Variants in KIF13A observed in about 807,000 individuals in gnomAD.
The protein encoded by KIF13A is kinesin family member 13A.
A neutral mutation model predicts 212.2 loss-of-function variants in KIF13A; 79 were observed. That is an observed-to-expected ratio of 0.37 (90% CI 0.31 to 0.45). The LOEUF is 0.45. Ranked by LOEUF, KIF13A falls within the 20% of genes least tolerant of loss-of-function variation. The probability of loss-of-function intolerance (pLI) is 1.00; values close to 1 mark genes in which losing one functional copy is unlikely to be tolerated. For missense variants in KIF13A, 1,901 were observed against 2,209.0 expected (o/e 0.86, Z 2.79); for synonymous variants, 789 against 808.6 (o/e 0.98, Z 0.41).
Position 17,971,750 on chromosome 6 carries a change from G to A in KIF13A, c.146+15304C>T, listed in dbSNP as rs993669339. Among the ~76,000 whole-genome samples, 2 of 151,910 alleles carry A rather than the reference G, an allele frequency of 1.3e-5. No individual in the cohort carries two copies. The highest frequency in any genetic ancestry group is 2.4e-5 in the African/African-American group (1 of 41,330). On this transcript the variant is annotated intron_variant, in intron 2 of 38. Transcript: ENST00000259711. The surrounding 1 kb of genome is among the most constrained non-coding windows in gnomAD (Gnocchi z 4.2). Reference sequence around the variant, plus strand: ...TGCTCTTGTTTTAGTGTGATTACTCGGCATATTTAAAAGAGGCTGGGAACT... The same window carrying A: ...TGCTCTTGTTTTAGTGTGATTACTCAGCATATTTAAAAGAGGCTGGGAACT...
chr6:17,881,412 G>A (rs1407685062), intron 3 of KIF13A: 1 of 420,236 alleles, frequency 2.4e-6, no homozygotes, highest in Non-Finnish European at 4.6e-6. Flanking sequence ...AGTCATCTCT[G>A]ATGGCATTTC....
rs1192390750 is a variant in KIF13A, at chr6:17,771,226, G to C, written c.4477-8C>G. On this transcript the variant is annotated splice_polypyrimidine_tract_variant and splice_region_variant and intron_variant, in intron 37 of 38. Transcript: ENST00000259711. The surrounding 1 kb of genome is among the most constrained non-coding windows in gnomAD (Gnocchi z 5.4). ...CTGAGGTGGAGGCATGCTCTGCAAA[G>C]GTTAAGACACACAGATGCATCACAC... 1.9e-6 allele frequency: 3 copies of C among 1,595,968 alleles called. No homozygotes were observed. The highest frequency in any genetic ancestry group is 2.6e-6 in the Non-Finnish European group (3 of 1,165,696).
At chr6:17,836,276 C>A (rs1035022896) in intron 11 of KIF13A, among the ~76,000 whole-genome samples, 1 of 152,144 alleles carries the variant, frequency 6.6e-6, no homozygotes, top group African/African-American at 2.4e-5. Flanking sequence ...GGAGATAACA[C>A]CTAACTAAAT....
intron 3 of KIF13A, among the ~76,000 whole-genome samples, chr6:17,874,999 G>GCACACACACACA (rs1554188630): frequency 0.019 from 2,320 of 120,286 alleles, 68 homozygotes; most frequent in South Asian, 0.043. Flanking sequence ...ACACGCACAC[G>GCACACACACACA]CACGCACACA....
rs575520875 is a variant in KIF13A at position 17,764,307 on chromosome 6, C to T, written c.5221G>A (p.Val1741Met). Residue 1741 changes from valine to methionine, a missense_variant, in exon 39 of 39, where the codon GTG (valine) becomes ATG (methionine). Val to Met is a conservative substitution (Grantham distance 21). This residue lies in a region of KIF13A where 687 missense variants were observed against 759.1 expected (regional missense o/e 0.90). Coordinates refer to ENST00000259711, the MANE Select transcript of KIF13A (RefSeq NM_022113.6). This position sits in a 1 kb window ranked among gnomAD's most constrained non-coding sequence, Gnocchi z 5.1. ...EDHSFTEFMG[V>M]SEGKDFDGLT... ...CCATCAAAATCTTTTCCCTCTGACA[C>T]TCCCATAAATTCTGTGAAAGAATGG... 1.9e-6 allele frequency: 3 copies of T among 1,614,036 alleles called. No individual in the cohort carries two copies. The highest frequency in any genetic ancestry group is 2.5e-6 in the Non-Finnish European group (3 of 1,179,894).
In KIF13A at chr6:17,967,337, T is replaced by C. The variant is rs1779417700; in HGVS notation, c.146+19717A>G. On this transcript the variant is annotated intron_variant, in intron 2 of 38. Coordinates refer to ENST00000259711, the MANE Select transcript of KIF13A (RefSeq NM_022113.6). This position sits in a 1 kb window ranked among gnomAD's most constrained non-coding sequence, Gnocchi z 4.1. ...ACAGAAAAAGGAAAATGCATCACAA[T>C]GTTAAAAGAATGAGTAAACTGTATT... Among the ~76,000 whole-genome samples the C allele has an allele frequency of 6.6e-6, 1 of 152,214 alleles. No homozygotes were observed. The highest frequency in any genetic ancestry group is 6.5e-5 in the Admixed American group (1 of 15,286).
In KIF13A at chr6:17,984,421, A is replaced by T. The variant is rs1003510; in HGVS notation, c.146+2633T>A. Reference sequence around the variant, plus strand: ...TGTTTCAGAATGGTGATCAGTATACATATCAACTACTAACCTGGACCTATG... The same window carrying T: ...TGTTTCAGAATGGTGATCAGTATACTTATCAACTACTAACCTGGACCTATG... On this transcript the variant is annotated intron_variant, in intron 2 of 38. Transcript: ENST00000259711. The surrounding 1 kb of genome is among the most constrained non-coding windows in gnomAD (Gnocchi z 5.0). 107,874 of 558,634 alleles carry T rather than the reference A, an allele frequency of 0.19. 11,026 individuals are homozygous for T. Among genetic ancestry groups the T allele is most frequent in the African/African-American group, 0.32 (15,547 of 48,920 alleles). The allele number at this position is 558,634 out of a possible 1,614,324, so 34.6% of individuals were successfully genotyped here.
intron 2 of KIF13A, among the ~76,000 whole-genome samples, chr6:17,983,388 T>C (rs1053527702): frequency 2.6e-5 from 4 of 151,850 alleles, no homozygotes; most frequent in African/African-American, 4.8e-5. Flanking sequence ...ACTGTGTATG[T>C]CACCCTTTTT....
At chr6:17,933,143 C>A (rs1243864501) in intron 2 of KIF13A, among the ~76,000 whole-genome samples, 1 of 152,072 alleles carries the variant, frequency 6.6e-6, no homozygotes, top group African/African-American at 2.4e-5. Context: ...AAAAGAATGG[C>A]TGGAGAACAT....
chr6:17,981,523 C>CGT (rs1222663188), intron 2 of KIF13A, among the ~76,000 whole-genome samples: 32 of 150,000 alleles, frequency 2.1e-4, no homozygotes, highest in Non-Finnish European at 4.0e-4. Flanking sequence ...CTCCCGGGTT[C>CGT]AAGCATTCCC....
In KIF13A at chr6:17,883,012, G is replaced by A. The variant is rs1771219814; in HGVS notation, c.160-9575C>T. Among the ~76,000 whole-genome samples, 2 of 152,086 alleles carry A rather than the reference G, an allele frequency of 1.3e-5. No homozygotes were observed. ...ACAATATTAATTCTTAGAGGATAAA[G>A]CCTTGGTTTCCCTAATCTTTTCATT... On this transcript the variant is annotated intron_variant, in intron 3 of 38. Coordinates refer to ENST00000259711, the MANE Select transcript of KIF13A (RefSeq NM_022113.6). This position sits in a 1 kb window ranked among gnomAD's most constrained non-coding sequence, Gnocchi z 4.8.
intron 3 of KIF13A, among the ~76,000 whole-genome samples, chr6:17,878,736 C>T (rs1770795917): frequency 6.6e-6 from 1 of 152,170 alleles, no homozygotes; most frequent in African/African-American, 2.4e-5. Context: ...AAACTTCTAA[C>T]AATCAAAGAG....
intron 2 of KIF13A, among the ~76,000 whole-genome samples, chr6:17,974,369 C>T (rs965490603): frequency 2.0e-5 from 3 of 152,306 alleles, no homozygotes; most frequent in Admixed American, 6.5e-5. Context: ...TGAGCCACTG[C>T]GCCCGGCGGG....
At chr6:17,985,632 C>CGG (rs1554128614) in intron 2 of KIF13A, among the ~76,000 whole-genome samples, 30 of 38,152 alleles carry the variant, frequency 7.9e-4, no homozygotes, top group African/African-American at 3.0e-3. Context: ...ATGCAGTTTG[C>CGG]GGGGGGGTGG....
At chr6:17,946,443 CAA>C (rs368432672) in intron 2 of KIF13A, among the ~76,000 whole-genome samples, 1 of 128,522 alleles carries the variant, frequency 7.8e-6, no homozygotes, top group African/African-American at 2.9e-5. Context: ...TTTAAAAGGC[CAA>C]AAAAAAAACA....
chr6:17,839,403 C>T lies in KIF13A; in HGVS notation c.831-1820G>A, dbSNP rs1428679034. Among the ~76,000 whole-genome samples, 1 of 152,154 alleles carries T rather than the reference C, an allele frequency of 6.6e-6. No individual in the cohort carries two copies. Among genetic ancestry groups the T allele is most frequent in the African/African-American group, 2.4e-5 (1 of 41,432 alleles). On this transcript the variant is annotated intron_variant, in intron 9 of 38. Coordinates refer to ENST00000259711, the MANE Select transcript of KIF13A (RefSeq NM_022113.6). The surrounding 1 kb of genome is among the most constrained non-coding windows in gnomAD (Gnocchi z 4.3). ...AATGTGGAAACGACCACATGCCCAT[C>T]AAATGATGAAGTGATGAATAAAATC... is the stretch of plus-strand genomic sequence containing the variant.
At chr6:17,893,869 T>C (rs1772309705) in intron 3 of KIF13A, among the ~76,000 whole-genome samples, 1 of 148,702 alleles carries the variant, frequency 6.7e-6, no homozygotes, top group African/African-American at 2.5e-5. Flanking sequence ...AGACAGAGTC[T>C]TGCTCTGTCG....
At chr6:17,807,665 TG>T (rs1297659509) in intron 18 of KIF13A, among the ~76,000 whole-genome samples, 3 of 152,232 alleles carry the variant, frequency 2.0e-5, no homozygotes, top group African/African-American at 7.2e-5. Flanking sequence ...TTCTGCTTTT[TG>T]TCCTTTGAAG....
chr6:17,862,551 C>A (rs1768901200), intron 4 of KIF13A, among the ~76,000 whole-genome samples: 1 of 152,014 alleles, frequency 6.6e-6, no homozygotes, highest in Non-Finnish European at 1.5e-5. Context: ...GCCTGCAATC[C>A]CAACAGTTTG....
Sources: allele counts gnomAD v4.1 joint callset (sites outside exome capture counted in the v4.1 genomes callset), GRCh38; gene constraint gnomAD v4.1.1; regional missense constraint gnomAD v4.1.1; non-coding constraint Gnocchi (gnomAD v3.1); transcripts MANE v1.5; gene names NCBI Gene and HGNC (gene_info 2026-07-23, HGNC 2026-07-21).